CTBP2: variants seen among roughly 807,000 people sequenced by gnomAD.
CTBP2 encodes C-terminal binding protein 2.
Under a neutral mutation model 80.3 loss-of-function variants are expected in CTBP2, and 30 were observed. The ratio of observed to expected loss-of-function variants is 0.37; its 90% CI spans 0.28 to 0.51. The LOEUF (loss-of-function observed/expected upper bound fraction) is 0.51, where lower values mean the gene tolerates loss of function less well. Among genes scored for constraint, CTBP2 ranks in the 20% least tolerant of loss-of-function variants. The pLI is 0.93. For missense variants in CTBP2, 1,212 were observed against 1,375.3 expected (o/e 0.88, Z 1.88); for synonymous variants, 594 against 587.4 (o/e 1.01, Z -0.16).
At chr10:125,129,849 C>G (rs143022897) in intron 1 of CTBP2, among the ~76,000 whole-genome samples, 6 of 152,014 alleles carry the variant, frequency 3.9e-5, no homozygotes, top group Admixed American at 2.6e-4. Flanking sequence ...AACCTCTGCC[C>G]GTGAGCTCAA....
intron 1 of CTBP2, among the ~76,000 whole-genome samples, chr10:125,130,136 C>G (rs1855924008): frequency 6.6e-6 from 1 of 151,888 alleles, no homozygotes; most frequent in African/African-American, 2.4e-5. Flanking sequence ...CAACCTCTGC[C>G]TCCCAGGTTC....
chr10:125,150,551 C>G (rs564129483), intron 1 of CTBP2, among the ~76,000 whole-genome samples: 7 of 152,180 alleles, frequency 4.6e-5, no homozygotes, highest in African/African-American at 1.4e-4. Context: ...ACAGAGAAGC[C>G]AGAGCCAGGC....
intron 2 of CTBP2, among the ~76,000 whole-genome samples, chr10:125,040,881 C>T (rs562375563): frequency 2.6e-5 from 4 of 152,224 alleles, no homozygotes; most frequent in East Asian, 3.9e-4. Context: ...AAAAGAGCTA[C>T]GAAAAAGCAC....
At chr10:125,159,398 T>TGCCCGGCCC (rs1231337523) in intron 1 of CTBP2, among the ~76,000 whole-genome samples, 2 of 136,648 alleles carry the variant, frequency 1.5e-5, no homozygotes, top group Non-Finnish European at 3.2e-5. Context: ...GCAGAGGAAA[T>TGCCCGGCCC]GCCCGGCCCG....
chr10:125,027,822 A>G lies in CTBP2; in HGVS notation c.-63T>C. The G allele has an allele frequency of 6.9e-7, 1 of 1,452,558 alleles. No individual in the cohort carries two copies. The highest frequency in any genetic ancestry group is 9.0e-7 in the Non-Finnish European group (1 of 1,105,490). The allele number at this position is 1,452,558 out of a possible 1,614,324, so 90.0% of individuals were successfully genotyped here. The stretch of plus-strand genomic sequence containing the variant: ...CTTTTCTTTATAAATCTTCAATTAC[A>G]TACATCAAAAACAGACCTGGCTGTG... On this transcript the variant is annotated 5_prime_UTR_variant, in exon 1 of 9. Transcript: ENST00000309035.
intron 6 of CTBP2, 74 bp downstream of exon 8, chr10:124,993,781 G>A (rs1286110417): frequency 1.0e-5 from 16 of 1,525,608 alleles, no homozygotes; most frequent in South Asian, 3.8e-5. Flanking sequence ...AAAGGGCCTC[G>A]AGTTCAAAGT....
intron 4 of CTBP2, chr10:124,996,815 G>A (rs1025763593): frequency 6.6e-6 from 1 of 152,206 alleles, no homozygotes; most frequent in African/African-American, 2.4e-5. Context: ...CGGACAGAGG[G>A]AGCCTGGTGT....
chr10:125,031,755 C>A (rs533549648), upstream of CTBP2, among the ~76,000 whole-genome samples: 2 of 152,340 alleles, frequency 1.3e-5, no homozygotes, highest in South Asian at 4.1e-4. Flanking sequence ...GCACCGTGCA[C>A]CCTTGCTTGC....
Position 125,026,364 on chromosome 10 carries a change from G to A in CTBP2, c.1396C>T (p.Pro466Ser), listed in dbSNP as rs1260971479. 2 of 1,613,364 alleles carry A rather than the reference G, an allele frequency of 1.2e-6. No homozygotes were observed. The highest frequency in any genetic ancestry group is 1.7e-5 in the Admixed American group (1 of 60,002). Residue 466 changes from proline (P) to serine (S), a missense_variant, in exon 1 of 9, where the codon CCG becomes TCG. This residue lies in a region of CTBP2 where 848 missense variants were observed against 782.3 expected (regional missense o/e 1.08). Coordinates refer to ENST00000309035, the MANE Select transcript of CTBP2 (RefSeq NM_022802.3). ...GGGTGAAGGGGGTTTGAGGGGCCCGGGTTAGTCAAGGCCACCCCTGCCTGC... is the reference window on the plus strand; with the variant it reads ...GGGTGAAGGGGGTTTGAGGGGCCCGAGTTAGTCAAGGCCACCCCTGCCTGC...
Position 125,080,954 on chromosome 10 carries a change from T to TAA in CTBP2, c.-102+30034_-102+30035dup, listed in dbSNP as rs11392481. ...GATGCACAAAATCATGTACAGGACT[T>TAA]AAAAAAAAAAAAAAGGAGATTGAGA... On this transcript the variant is annotated intron_variant, in intron 2 of 10. Transcript: ENST00000337195. Among the ~76,000 whole-genome samples the TAA allele has an allele frequency of 9.6e-3, 1,359 of 140,910 alleles. 12 individuals are homozygous for TAA. Among genetic ancestry groups the TAA allele is most frequent in the Admixed American group, 0.037 (523 of 14,148 alleles). The allele number at this position is 140,910 out of a possible 152,430, so 92.4% of individuals were successfully genotyped here. A position where few individuals can be genotyped will look rare whatever the true frequency, so the allele number is the denominator to read the frequency against.
chr10:125,002,178 C>A (rs1385586719), intron 3 of CTBP2, among the ~76,000 whole-genome samples: 1 of 152,208 alleles, frequency 6.6e-6, no homozygotes. Context: ...CAGCCCCCAC[C>A]CCCAAAATGC....
chr10:124,998,457 T>C, intron 3 of CTBP2: 1 of 459,208 alleles, frequency 2.2e-6, no homozygotes, highest in Admixed American at 3.6e-5. Context: ...CCTGACTGGC[T>C]TCCTCCTGGG....
chr10:125,158,947 C>T lies in CTBP2; in HGVS notation c.-206+1372G>A, dbSNP rs563596229. On this transcript the variant is annotated intron_variant, in intron 1 of 10. Coordinates refer to the CTBP2 transcript ENST00000337195. Reference sequence around the variant, plus strand: ...GTGTCTCGGCGCGGCCCGCGGTGACCGAGCTGAGCTCTTGGGCCCGCGGCC... The same window carrying T: ...GTGTCTCGGCGCGGCCCGCGGTGACTGAGCTGAGCTCTTGGGCCCGCGGCC... Among the ~76,000 whole-genome samples the T allele has an allele frequency of 4.1e-3, 618 of 151,978 alleles. 3 individuals are homozygous for T. Among genetic ancestry groups the T allele is most frequent in the African/African-American group, 0.014 (595 of 41,550 alleles).
chr10:125,094,635 C>T (rs1050419916), intron 2 of CTBP2, among the ~76,000 whole-genome samples: 4 of 152,078 alleles, frequency 2.6e-5, no homozygotes, highest in African/African-American at 9.7e-5. Context: ...CATCTCTGGT[C>T]ATGCCGGGGT....
chr10:125,098,296 G>A (rs1035273938), intron 2 of CTBP2, among the ~76,000 whole-genome samples: 5 of 152,064 alleles, frequency 3.3e-5, no homozygotes, highest in East Asian at 3.9e-4. Context: ...TGGAGTGAAC[G>A]GAATGGAACT....
upstream of CTBP2, among the ~76,000 whole-genome samples, chr10:125,031,704 A>G (rs542968745): frequency 1.2e-3 from 186 of 152,260 alleles, no homozygotes; most frequent in African/African-American, 3.7e-3. Flanking sequence ...ACAATTAGCA[A>G]AACTGCCCAG....
intron 1 of CTBP2, among the ~76,000 whole-genome samples, chr10:125,115,123 C>T (rs1047064335): frequency 5.3e-5 from 8 of 152,144 alleles, no homozygotes; most frequent in Admixed American, 1.3e-4. Context: ...GCTGGCCCTG[C>T]GGCTGGGTCA....
chr10:125,097,397 C>T (rs1382947786), intron 2 of CTBP2, among the ~76,000 whole-genome samples: 1 of 152,190 alleles, frequency 6.6e-6, no homozygotes, highest in Non-Finnish European at 1.5e-5. Context: ...ATCCCAACAC[C>T]ATTTCTATCA....
intron 2 of CTBP2, among the ~76,000 whole-genome samples, chr10:125,070,660 A>T (rs1048924007): frequency 6.6e-6 from 1 of 151,740 alleles, no homozygotes; most frequent in African/African-American, 2.4e-5. Flanking sequence ...TTTTTATGTA[A>T]ATCTAAAATT....
Sources: allele counts gnomAD v4.1 joint callset (sites outside exome capture counted in the v4.1 genomes callset), GRCh38; gene constraint gnomAD v4.1.1; regional missense constraint gnomAD v4.1.1; transcripts MANE v1.5; gene names NCBI Gene and HGNC (gene_info 2026-07-23, HGNC 2026-07-21).